The following CTCF variants were observed in gnomAD, a reference collection of about 807,000 sequenced individuals.
The protein encoded by CTCF is transcriptional repressor CTCF.
In CTCF, 7 loss-of-function variants were observed where a neutral mutation model predicts 72.3. That is an observed-to-expected ratio of 0.10 (90% CI 0.06 to 0.18). The LOEUF is 0.18. CTCF is among the 10% of genes least tolerant of loss of function. The pLI is 1.00. For missense variants in CTCF, 516 were observed against 949.1 expected, an observed-to-expected ratio of 0.54 and a Z score of 6.00; for synonymous variants, 374 against 315.8, an observed-to-expected ratio of 1.18 and a Z score of -1.95.
chr16:67,564,895 C>T (rs2051322236), intron 1 of CTCF, among the ~76,000 whole-genome samples: 1 of 152,044 alleles, frequency 6.6e-6, no homozygotes, highest in African/African-American at 2.4e-5. Flanking sequence ...CAGTTGCTAT[C>T]CTTTGAAATT....
chr16:67,562,938 C>CGCCCGCTAGGCCTCCCTCCTGGCA (rs2051296312), intron 1 of CTCF, among the ~76,000 whole-genome samples: 1 of 145,078 alleles, frequency 6.9e-6, no homozygotes, highest in Non-Finnish European at 1.5e-5. Flanking sequence ...CCCGCCCGCC[C>CGCCCGCTAGGCCTCCCTCCTGGCA]GCCCGCTAGG....
At chr16:67,629,148 G>A (rs567506578) in intron 9 of CTCF, among the ~76,000 whole-genome samples, 1 of 151,802 alleles carries the variant, frequency 6.6e-6, no homozygotes, top group South Asian at 2.1e-4. Context: ...CTTCTCTTGG[G>A]GGCTCTGTTA....
At chr16:67,615,793 T>C (rs1397694284) in intron 4 of CTCF, 1 of 152,190 alleles carries the variant, frequency 6.6e-6, no homozygotes, top group Non-Finnish European at 1.5e-5. Context: ...AATTGCTTAG[T>C]TTTTATTATA....
At chr16:67,631,320 A>G (rs2052363077) in intron 10 of CTCF, among the ~76,000 whole-genome samples, 1 of 151,060 alleles carries the variant, frequency 6.6e-6, no homozygotes, top group African/African-American at 2.4e-5. Flanking sequence ...ATGCCCCACC[A>G]CACCCTATTA....
At chr16:67,577,190 G>T (rs940675552) in intron 2 of CTCF, among the ~76,000 whole-genome samples, 2 of 151,744 alleles carry the variant, frequency 1.3e-5, no homozygotes, top group East Asian at 2.0e-4. Flanking sequence ...AGGCCGAGGT[G>T]GGCGGATCAC....
At position 67,584,340 on chromosome 16, in the gene CTCF, T is replaced by C. The variant is rs570765844; in HGVS notation, c.-10+13076T>C. On this transcript the variant is annotated intron_variant, in intron 2 of 11. Coordinates refer to ENST00000264010, the MANE Select transcript of CTCF (RefSeq NM_006565.4). ...CTTCTCAAAAAAAAAAAGTCTTCTT[T>C]TTTTTTTTTTTTTTTTTTGAGATGG... is the stretch of plus-strand genomic sequence containing the variant. Among the ~76,000 whole-genome samples the C allele has an allele frequency of 3.7e-3, 442 of 117,950 alleles. 6 individuals are homozygous for C. Among genetic ancestry groups the C allele is most frequent in the Admixed American group, 0.028 (368 of 13,104 alleles). 77.4% of individuals were successfully genotyped at this position (117,950 alleles called of 152,430 possible).
chr16:67,578,372 T>C (rs1317640560), intron 2 of CTCF, among the ~76,000 whole-genome samples: 2 of 148,554 alleles, frequency 1.3e-5, no homozygotes, highest in Admixed American at 1.3e-4. Flanking sequence ...TTCACTCTGT[T>C]GCCCAGGCTG....
chr16:67,613,979 A>G (rs1380205643), intron 4 of CTCF, among the ~76,000 whole-genome samples: 1 of 152,176 alleles, frequency 6.6e-6, no homozygotes, highest in East Asian at 1.9e-4. Context: ...GTATCAGTTT[A>G]TGGTGAGGAG....
At chr16:67,636,972 C>T (rs772591690) in intron 11 of CTCF, 121 bp downstream of exon 11, 9 of 887,598 alleles carry the variant, frequency 1.0e-5, no homozygotes, top group Admixed American at 6.1e-5. Flanking sequence ...AAGGGCATGT[C>T]GAGAACAAAC....
chr16:67,571,705 A>G (rs965679175), intron 2 of CTCF, among the ~76,000 whole-genome samples: 2 of 152,188 alleles, frequency 1.3e-5, no homozygotes, highest in African/African-American at 2.4e-5. Context: ...TGTAATTTTG[A>G]TAAGAAACAG....
chr16:67,583,278 C>T (rs1242386821), intron 2 of CTCF, among the ~76,000 whole-genome samples: 1 of 151,954 alleles, frequency 6.6e-6, no homozygotes, highest in African/African-American at 2.4e-5. Flanking sequence ...TGAGCCATGG[C>T]GCCCAGCCTA....
intron 2 of CTCF, among the ~76,000 whole-genome samples, chr16:67,601,658 T>G (rs1383755882): frequency 6.6e-6 from 1 of 152,108 alleles, no homozygotes; most frequent in Non-Finnish European, 1.5e-5. Flanking sequence ...CTATTAAAAA[T>G]AGAAGCTATT....
At chr16:67,615,022 G>C (rs1421432739) in intron 4 of CTCF, 1 of 151,924 alleles carries the variant, frequency 6.6e-6, no homozygotes, top group Non-Finnish European at 1.5e-5. Context: ...TGTACCTGTA[G>C]TCCCAGCTAC....
rs2142848210 is a variant in CTCF at position 67,620,822 on chromosome 16, G to A, written c.1207+5G>A. On this transcript the variant is annotated splice_donor_5th_base_variant and intron_variant, in intron 6 of 11. Coordinates refer to ENST00000264010, the MANE Select transcript of CTCF (RefSeq NM_006565.4). ...GGCACATGAGAACCCATTCAGGTAG[G>A]ACTTCTCCACTCCTTACTGTATTAA... 6.3e-7 allele frequency: 1 copy of A among 1,579,036 alleles called. No homozygotes were observed. Among genetic ancestry groups the A allele is most frequent in the Non-Finnish European group, 8.7e-7 (1 of 1,154,466 alleles).
intron 5 of CTCF, 33 bp downstream of exon 5, chr16:67,616,911 T>C: frequency 6.2e-7 from 1 of 1,605,038 alleles, no homozygotes; most frequent in Non-Finnish European, 8.5e-7. Flanking sequence ...GTATCTCTCT[T>C]AGGCAGACCA....
At chr16:67,579,307 C>G (rs1312452006) in intron 2 of CTCF, among the ~76,000 whole-genome samples, 1 of 151,542 alleles carries the variant, frequency 6.6e-6, no homozygotes, top group Non-Finnish European at 1.5e-5. Context: ...TAGTAGCTTA[C>G]TATACACGTT....
chr16:67,585,649 C>G (rs1035838805), intron 2 of CTCF, among the ~76,000 whole-genome samples: 1 of 152,152 alleles, frequency 6.6e-6, no homozygotes, highest in African/African-American at 2.4e-5. Flanking sequence ...CCAACCACTA[C>G]TTTTTGTTTA....
intron 10 of CTCF, among the ~76,000 whole-genome samples, chr16:67,633,538 C>T (rs2052390939): frequency 6.6e-6 from 1 of 152,056 alleles, no homozygotes; most frequent in African/African-American, 2.4e-5. Context: ...AAAAACTTGA[C>T]CTTAAAAGAG....
At chr16:67,570,076 ATT>A (rs59964661) in intron 1 of CTCF, among the ~76,000 whole-genome samples, 20 of 138,090 alleles carry the variant, frequency 1.4e-4, no homozygotes, top group Admixed American at 2.2e-4. Flanking sequence ...ATAAGAATTA[ATT>A]TTTTTTTTTT....
Sources: allele counts gnomAD v4.1 joint callset (sites outside exome capture counted in the v4.1 genomes callset), GRCh38; gene constraint gnomAD v4.1.1; transcripts MANE v1.5; gene names NCBI Gene and HGNC (gene_info 2026-07-23, HGNC 2026-07-21).